The following ASAP1 variants were observed in gnomAD, a reference collection of about 807,000 sequenced individuals.
ASAP1 encodes arf-GAP with SH3 domain, ANK repeat and PH domain-containing protein 1.
In ASAP1, 43 loss-of-function variants were observed where a neutral mutation model predicts 145.2. The ratio of observed to expected loss-of-function variants is 0.30; its 90% CI spans 0.23 to 0.38. The LOEUF is 0.38. ASAP1 is among the 10% of genes least tolerant of loss of function. The pLI is 1.00. For missense variants in ASAP1, 1,018 were observed against 1,355.3 expected, an observed-to-expected ratio of 0.75 and a Z score of 3.91; for synonymous variants, 546 against 515.5, an observed-to-expected ratio of 1.06 and a Z score of -0.80.
intron 4 of ASAP1, among the ~76,000 whole-genome samples, chr8:130,231,917 G>C (rs1817930223): frequency 1.3e-5 from 2 of 152,176 alleles, no homozygotes; most frequent in African/African-American, 4.8e-5. Context: ...CTACTGTACT[G>C]ACCCAGGGTC....
At chr8:130,276,796 C>T (rs1460016005) in intron 3 of ASAP1, among the ~76,000 whole-genome samples, 1 of 150,284 alleles carries the variant, frequency 6.7e-6, no homozygotes, top group African/African-American at 2.5e-5. Flanking sequence ...GCATGAGAGA[C>T]CCTAAACTAT....
At position 130,358,733 on chromosome 8, in the gene ASAP1, C is replaced by A. The variant is rs1826529356; in HGVS notation, c.60-590G>T. ...GTCCCTCCCCGCCCGCGCCCCGCCC[C>A]CGGCCCGGCCCCCGCCCCGCCCCGC... On this transcript the variant is annotated intron_variant, in intron 2 of 29. Transcript: ENST00000518721. This position sits in a 1 kb window ranked among gnomAD's most constrained non-coding sequence, Gnocchi z 4.1. Among the ~76,000 whole-genome samples the A allele has an allele frequency of 7.1e-6, 1 of 141,550 alleles. No individual in the cohort carries two copies. Among genetic ancestry groups the A allele is most frequent in the Non-Finnish European group, 1.6e-5 (1 of 64,094 alleles). 92.9% of individuals were successfully genotyped at this position (141,550 alleles called of 152,430 possible).
Position 130,112,360 on chromosome 8 carries a change from G to T in ASAP1, c.2173-38C>A, listed in dbSNP as rs758670869. 4.4e-6 allele frequency: 7 copies of T among 1,586,786 alleles called. No homozygotes were observed. In the East Asian group the frequency reaches 1.6e-4, roughly 36 times the overall value. On this transcript the variant is annotated intron_variant, in intron 23 of 29. Coordinates refer to ENST00000518721, the MANE Select transcript of ASAP1 (RefSeq NM_018482.4). ...ATAAGAAGGTGAGATAATAATCAAGGACCACCCTTCATGTGTACAGAGGGC... is the reference window on the plus strand; with the variant it reads ...ATAAGAAGGTGAGATAATAATCAAGTACCACCCTTCATGTGTACAGAGGGC...
chr8:130,401,297 G>A (rs1828785304), intron 2 of ASAP1, among the ~76,000 whole-genome samples: 1 of 152,042 alleles, frequency 6.6e-6, no homozygotes, highest in Non-Finnish European at 1.5e-5. Context: ...CCAGGCTGGA[G>A]TGCAATGGTG....
intron 17 of ASAP1, among the ~76,000 whole-genome samples, 168 bp from the exon 18 acceptor site, chr8:130,124,272 G>T (rs560610019): frequency 6.6e-6 from 1 of 152,142 alleles, no homozygotes; most frequent in Non-Finnish European, 1.5e-5. Flanking sequence ...CATCTACTAC[G>T]TGCCAAGCAC....
chr8:130,086,902 T>C (rs923371163), intron 25 of ASAP1, among the ~76,000 whole-genome samples: 4 of 152,192 alleles, frequency 2.6e-5, no homozygotes, highest in East Asian at 1.9e-4. Flanking sequence ...TTCTGTGAAG[T>C]AGATGCATTA....
At chr8:130,337,153 G>GC (rs1203689233) in intron 3 of ASAP1, among the ~76,000 whole-genome samples, 2 of 152,172 alleles carry the variant, frequency 1.3e-5, no homozygotes, top group African/African-American at 4.8e-5. Flanking sequence ...AATGCCACAG[G>GC]TTGGTAAAAG....
At chr8:130,110,445 GA>G (rs1287333265) in intron 24 of ASAP1, among the ~76,000 whole-genome samples, 4 of 152,320 alleles carry the variant, frequency 2.6e-5, no homozygotes, top group African/African-American at 7.2e-5. Flanking sequence ...TGCAGAAAGA[GA>G]ATCTCTGCTC....
intron 1 of ASAP1, among the ~76,000 whole-genome samples, chr8:130,420,229 A>T (rs1457244609): frequency 7.7e-6 from 1 of 129,400 alleles, no homozygotes; most frequent in Non-Finnish European, 1.6e-5. Context: ...GCTGGCCATA[A>T]TGAAATACAC....
At chr8:130,092,213 AATCACTTCCACAC>A in intron 24 of ASAP1, 70 bp from the exon 25 acceptor site, 1 of 1,477,308 alleles carries the variant, frequency 6.8e-7, no homozygotes, top group Non-Finnish European at 9.1e-7. Context: ...GCCAGTATGA[AATCACTTCCACAC>A]ATCAGAATGT....
chr8:130,350,879 T>C (rs1380250754), intron 3 of ASAP1, among the ~76,000 whole-genome samples: 2 of 152,222 alleles, frequency 1.3e-5, no homozygotes, highest in Non-Finnish European at 2.9e-5. Context: ...AGTGGTTCTT[T>C]AGCCAGGGCT....
chr8:130,115,247 A>C (rs2097553282), intron 23 of ASAP1, among the ~76,000 whole-genome samples: 1 of 152,250 alleles, frequency 6.6e-6, no homozygotes, highest in African/African-American at 2.4e-5. Context: ...GGCCTTAAAA[A>C]GACTGAGGTC....
intron 2 of ASAP1, among the ~76,000 whole-genome samples, chr8:130,373,730 C>G (rs913128958): frequency 1.3e-5 from 2 of 151,682 alleles, no homozygotes; most frequent in Non-Finnish European, 2.9e-5. Context: ...CACCTGTAAT[C>G]CAGCTACTTG....
chr8:130,160,914 C>T, intron 11 of ASAP1: 2 of 683,828 alleles, frequency 2.9e-6, no homozygotes, highest in South Asian at 3.4e-5. Context: ...CAGAAAATAT[C>T]ACTGTAAAGA....
At chr8:130,436,557 C>A (rs1338255549) in intron 1 of ASAP1, among the ~76,000 whole-genome samples, 2 of 152,230 alleles carry the variant, frequency 1.3e-5, no homozygotes, top group Admixed American at 6.5e-5. Context: ...GCAATCCACC[C>A]GCCTTGGCCT....
intron 24 of ASAP1, among the ~76,000 whole-genome samples, chr8:130,106,384 T>C (rs559453716): frequency 9.2e-5 from 14 of 152,284 alleles, no homozygotes; most frequent in Admixed American, 8.5e-4. Flanking sequence ...CATGCAGTAG[T>C]GTACTTTCAT....
intron 4 of ASAP1, among the ~76,000 whole-genome samples, chr8:130,221,003 A>G (rs1240005915): frequency 1.3e-5 from 2 of 152,122 alleles, no homozygotes; most frequent in Non-Finnish European, 2.9e-5. Context: ...GGGGATTACA[A>G]TTCAGATTAC....
chr8:130,306,527 A>G (rs1158985941), intron 3 of ASAP1, among the ~76,000 whole-genome samples: 1 of 152,218 alleles, frequency 6.6e-6, no homozygotes, highest in African/African-American at 2.4e-5. Context: ...CACATGATCA[A>G]TTGGTCAAAG....
chr8:130,117,416 T>C (rs1385400839), intron 20 of ASAP1, among the ~76,000 whole-genome samples: 1 of 152,216 alleles, frequency 6.6e-6, no homozygotes. Context: ...TTTGAGCCAC[T>C]ATGCTATATT....
Sources: gnomAD v4.1 joint callset for allele counts (sites outside exome capture counted in the v4.1 genomes callset) on GRCh38, gnomAD v4.1.1 for gene constraint, Gnocchi (gnomAD v3.1) non-coding constraint, MANE v1.5 for transcripts, NCBI Gene and HGNC (gene_info 2026-07-23, HGNC 2026-07-21) for gene names.